The following CDC25C variants were observed in gnomAD, a reference collection of about 807,000 sequenced individuals.
CDC25C encodes M-phase inducer phosphatase 3.
Under a neutral mutation model 52.5 loss-of-function variants are expected in CDC25C, and 48 were observed. The ratio of observed to expected loss-of-function variants is 0.91; its 90% CI spans 0.72 to 1.16. The LOEUF is 1.16. Ranked by LOEUF, CDC25C falls within the 50% of genes most tolerant of loss-of-function variation. The pLI, the probability that CDC25C is intolerant of heterozygous loss-of-function variation, is 0.00. For synonymous variants in CDC25C, 187 were observed against 206.5 expected, an observed-to-expected ratio of 0.91 and a Z score of 0.81; for missense variants, 510 against 566.1, an observed-to-expected ratio of 0.90 and a Z score of 1.01.
chr5:138,337,757 A>G, intron 1 of CDC25C: 3 of 356,428 alleles, frequency 8.4e-6, no homozygotes, highest in South Asian at 4.4e-5. Flanking sequence ...CTTGGACCAC[A>G]CTTCCCAGCA....
intron 7 of CDC25C, among the ~76,000 whole-genome samples, chr5:138,307,175 C>G (rs1758072857): frequency 6.6e-6 from 1 of 151,980 alleles, no homozygotes; most frequent in Admixed American, 6.6e-5. Flanking sequence ...AAACCTACTG[C>G]TATGCATATT....
chr5:138,307,490 C>CAAAAAAA (rs57593237), intron 7 of CDC25C, among the ~76,000 whole-genome samples: 1,375 of 88,058 alleles, frequency 0.016, no homozygotes, highest in Middle Eastern at 0.019. Flanking sequence ...GAGACTGCCA[C>CAAAAAAA]AAAAAAAAAA....
upstream of CDC25C, chr5:138,332,019 C>T (rs1580832943): frequency 1.9e-6 from 1 of 534,614 alleles, no homozygotes; most frequent in African/African-American, 2.1e-5. Context: ...TTTGGCCCAC[C>T]AGCGTTAGGC....
chr5:138,314,550 C>T (rs2126771153), intron 7 of CDC25C, among the ~76,000 whole-genome samples: 1 of 151,934 alleles, frequency 6.6e-6, no homozygotes, highest in South Asian at 2.1e-4. Flanking sequence ...CCCACCTTGA[C>T]CTCCCAAAGT....
At chr5:138,316,503 T>C (rs1758882518) in intron 7 of CDC25C, among the ~76,000 whole-genome samples, 1 of 152,078 alleles carries the variant, frequency 6.6e-6, no homozygotes, top group Non-Finnish European at 1.5e-5. Context: ...GGGAGGTTCC[T>C]GTAAGTCCCC....
chr5:138,292,360 G>C (rs1007053162), intron 7 of CDC25C, among the ~76,000 whole-genome samples: 4 of 151,230 alleles, frequency 2.6e-5, no homozygotes, highest in African/African-American at 9.7e-5. Context: ...TGGACTGCAT[G>C]ATATTCCATC....
At chr5:138,290,108 A>G (rs990569855) in intron 9 of CDC25C, among the ~76,000 whole-genome samples, 1 of 152,144 alleles carries the variant, frequency 6.6e-6, no homozygotes, top group Admixed American at 6.6e-5. Context: ...TATTAATATG[A>G]AAAAAGATGC....
At chr5:138,303,310 CTAG>C (rs1200767030) in intron 7 of CDC25C, among the ~76,000 whole-genome samples, 5 of 152,230 alleles carry the variant, frequency 3.3e-5, no homozygotes, top group Admixed American at 2.0e-4. Flanking sequence ...AACTCTTATT[CTAG>C]TAGAAGGGAA....
chr5:138,317,364 A>C (rs1317520359), intron 7 of CDC25C, among the ~76,000 whole-genome samples: 1 of 152,174 alleles, frequency 6.6e-6, no homozygotes, highest in Non-Finnish European at 1.5e-5. Context: ...ACTTGTTTCA[A>C]AGCAACAAAG....
intron 2 of CDC25C, among the ~76,000 whole-genome samples, 195 bp from the exon 3 acceptor site, chr5:138,329,842 T>A (rs1349231112): frequency 2.0e-5 from 3 of 148,952 alleles, no homozygotes; most frequent in Non-Finnish European, 3.0e-5. Flanking sequence ...GCGATTCTCC[T>A]GCCTCAGCCT....
chr5:138,288,654 T>C (rs1756462703), intron 10 of CDC25C, among the ~76,000 whole-genome samples: 1 of 152,116 alleles, frequency 6.6e-6, no homozygotes, highest in Non-Finnish European at 1.5e-5. Context: ...ATTGTGCCAT[T>C]GCACTCCAGC....
At chr5:138,286,794 C>T (rs768959152) in intron 11 of CDC25C, among the ~76,000 whole-genome samples, 164 bp from the exon 12 acceptor site, 2 of 152,108 alleles carry the variant, frequency 1.3e-5, no homozygotes, top group African/African-American at 2.4e-5. Context: ...ATACCCTGAA[C>T]GCCTGGCATA....
intron 6 of CDC25C, among the ~76,000 whole-genome samples, chr5:138,324,416 C>A (rs773151050): frequency 2.0e-5 from 3 of 151,586 alleles, no homozygotes; most frequent in Non-Finnish European, 4.4e-5. Flanking sequence ...TTTGCCTAGG[C>A]AACATAGTGA....
chr5:138,329,477 G>T, intron 3 of CDC25C, 76 bp downstream of exon 3: 3 of 945,450 alleles, frequency 3.2e-6, no homozygotes, highest in Admixed American at 1.9e-5. Flanking sequence ...ACCACCTTCC[G>T]TCTCTATCCT....
At chr5:138,307,397 TG>T (rs1158946011) in intron 7 of CDC25C, among the ~76,000 whole-genome samples, 1 of 137,554 alleles carries the variant, frequency 7.3e-6, no homozygotes, top group East Asian at 2.1e-4. Context: ...GAGGCTGAGA[TG>T]GAAGAATCGC....
chr5:138,311,979 T>C (rs1042502799), intron 7 of CDC25C, among the ~76,000 whole-genome samples: 12 of 152,102 alleles, frequency 7.9e-5, no homozygotes, highest in African/African-American at 2.7e-4. Flanking sequence ...ATTAGGGAAA[T>C]GCAAATTAAA....
intron 7 of CDC25C, among the ~76,000 whole-genome samples, chr5:138,317,985 A>C (rs1461292927): frequency 6.6e-6 from 1 of 152,158 alleles, no homozygotes; most frequent in East Asian, 1.9e-4. Flanking sequence ...AGCAGTAAGA[A>C]GATTTCTGTA....
chr5:138,337,906 G>A (rs1475053650), intron 1 of CDC25C: 2 of 1,236,296 alleles, frequency 1.6e-6, no homozygotes, highest in Non-Finnish European at 2.1e-6. Flanking sequence ...GTGGGAGGCT[G>A]CAGTTGGGCC....
At chr5:138,325,108 A>G (rs1759748798) in intron 6 of CDC25C, among the ~76,000 whole-genome samples, 1 of 152,244 alleles carries the variant, frequency 6.6e-6, no homozygotes, top group Admixed American at 6.5e-5. Context: ...AATGGAGATT[A>G]GAAGGACAGT....
Sources: allele counts gnomAD v4.1 joint callset (sites outside exome capture counted in the v4.1 genomes callset), GRCh38; gene constraint gnomAD v4.1.1; transcripts MANE v1.5; gene names NCBI Gene and HGNC (gene_info 2026-07-23, HGNC 2026-07-21).